SHANK2: variants seen among roughly 807,000 people sequenced by gnomAD.
SHANK2 encodes the protein SH3 and multiple ankyrin repeat domains protein 2.
Under a neutral mutation model 133.7 loss-of-function variants are expected in SHANK2, and 43 were observed. The ratio of observed to expected loss-of-function variants is 0.32; its 90% CI spans 0.25 to 0.41. The LOEUF is 0.41. Among genes scored for constraint, SHANK2 ranks in the 10% least tolerant of loss-of-function variants. The pLI, the probability that SHANK2 is intolerant of heterozygous loss-of-function variation, is 1.00. For synonymous variants in SHANK2, 1,017 were observed against 952.8 expected (o/e 1.07, Z -1.24); for missense variants, 1,994 against 2,235.8 (o/e 0.89, Z 2.18).
chr11:71,157,742 C>G (rs1477165677), intron 2 of SHANK2, among the ~76,000 whole-genome samples: 32 of 152,274 alleles, frequency 2.1e-4, no homozygotes, highest in African/African-American at 7.7e-4. Context: ...TAGCATGAAC[C>G]CACTCTTAGC....
At chr11:70,853,509 A>AG (rs1315075750) in intron 11 of SHANK2, among the ~76,000 whole-genome samples, 2 of 152,126 alleles carry the variant, frequency 1.3e-5, no homozygotes, top group African/African-American at 4.8e-5. Flanking sequence ...CTTTATGGCC[A>AG]GGGGGGATGC....
Position 71,188,512 on chromosome 11 carries a change from GT to G in SHANK2, c.-13+36184del, listed in dbSNP as rs1953721477. Among the ~76,000 whole-genome samples the G allele has an allele frequency of 6.6e-6, 1 of 152,160 alleles. No individual in the cohort carries two copies. Among genetic ancestry groups the G allele is most frequent in the Admixed American group, 6.5e-5 (1 of 15,282 alleles). ...AACACTGCAAATATTTACAGTGGACGTACGAAAAGGCACAGGAATACTGAGT... is the reference window on the plus strand; with the variant it reads ...AACACTGCAAATATTTACAGTGGACGACGAAAAGGCACAGGAATACTGAGT... On this transcript the variant is annotated intron_variant, in intron 2 of 25. Transcript: ENST00000601538. The surrounding 1 kb of genome is among the most constrained non-coding windows in gnomAD (Gnocchi z 4.6).
chr11:70,937,790 C>T (rs1461791942), intron 10 of SHANK2, among the ~76,000 whole-genome samples: 2 of 151,848 alleles, frequency 1.3e-5, no homozygotes, highest in African/African-American at 4.8e-5. Context: ...ACTCAGGAAC[C>T]GCTTATTGTT....
At position 70,556,793 on chromosome 11, in the gene SHANK2, T is replaced by C. The variant is rs543669409; in HGVS notation, c.2062-53862A>G. Among the ~76,000 whole-genome samples, 6 of 152,258 alleles carry C rather than the reference T, an allele frequency of 3.9e-5. No homozygotes were observed. In the East Asian group the frequency reaches 1.2e-3, roughly 29 times the overall value. ...TTTTAGTAGAGATGGGGTTTCTCCA[T>C]GTTGACCAGGCTGGTCTCTAACTCC... On this transcript the variant is annotated intron_variant, in intron 17 of 25. Transcript: ENST00000601538.
intron 14 of SHANK2, among the ~76,000 whole-genome samples, chr11:70,728,294 T>A (rs1185760546): frequency 6.6e-6 from 1 of 152,102 alleles, no homozygotes; most frequent in East Asian, 1.9e-4. Flanking sequence ...CCAAAGAGGA[T>A]CCCTCTGGGA....
chr11:70,841,479 G>A (rs1948904067), intron 11 of SHANK2, among the ~76,000 whole-genome samples: 1 of 152,216 alleles, frequency 6.6e-6, no homozygotes, highest in African/African-American at 2.4e-5. Context: ...ACACAGCCAG[G>A]CCAAGATGTG....
intron 3 of SHANK2, among the ~76,000 whole-genome samples, chr11:71,122,742 A>G (rs1165902559): frequency 1.3e-5 from 2 of 152,160 alleles, no homozygotes; most frequent in Non-Finnish European, 2.9e-5. Context: ...CCCATCTGCA[A>G]ACCCAGCAAT....
At chr11:70,636,471 G>A (rs1260049925) in intron 17 of SHANK2, among the ~76,000 whole-genome samples, 1 of 152,024 alleles carries the variant, frequency 6.6e-6, no homozygotes, top group Admixed American at 6.6e-5. Context: ...GAGCATCTGT[G>A]TATGTGTAAG....
At chr11:70,652,012 A>T (rs1375584801) in intron 17 of SHANK2, among the ~76,000 whole-genome samples, 1 of 152,236 alleles carries the variant, frequency 6.6e-6, no homozygotes, top group Admixed American at 6.5e-5. Context: ...GATGTGGCTG[A>T]ACCACTAAAC....
At chr11:70,673,513 TG>T (rs1182178941) in intron 15 of SHANK2, among the ~76,000 whole-genome samples, 2 of 152,024 alleles carry the variant, frequency 1.3e-5, no homozygotes, top group Admixed American at 6.6e-5. Flanking sequence ...GTCCCTCTGG[TG>T]GGGGTGGGGA....
chr11:70,551,805 T>C (rs533618272), intron 17 of SHANK2, among the ~76,000 whole-genome samples: 1 of 151,956 alleles, frequency 6.6e-6, no homozygotes, highest in South Asian at 2.1e-4. Flanking sequence ...TGGCCTGGAG[T>C]GATGTGAAAC....
chr11:70,915,282 G>A (rs1211705129), intron 10 of SHANK2, among the ~76,000 whole-genome samples: 1 of 152,050 alleles, frequency 6.6e-6, no homozygotes, highest in Non-Finnish European at 1.5e-5. Flanking sequence ...TCCCAAATCC[G>A]CCAGCACATG....
chr11:70,811,755 A>G (rs2088265435), intron 12 of SHANK2, among the ~76,000 whole-genome samples: 1 of 148,324 alleles, frequency 6.7e-6, no homozygotes, highest in African/African-American at 2.5e-5. Flanking sequence ...TCCATCATCT[A>G]TCCATCCACC....
intron 11 of SHANK2, among the ~76,000 whole-genome samples, chr11:70,892,958 T>C (rs1170714349): frequency 1.3e-5 from 2 of 152,138 alleles, no homozygotes. Flanking sequence ...CTTCCCTGAC[T>C]TCCTTCCCTA....
intron 11 of SHANK2, among the ~76,000 whole-genome samples, chr11:70,877,016 G>A (rs1555071472): frequency 6.6e-6 from 1 of 152,174 alleles, no homozygotes; most frequent in Admixed American, 6.5e-5. Flanking sequence ...CACACACATG[G>A]CCCTGGTGAG....
At chr11:70,509,731 TTACA>T (rs1383978199) in intron 17 of SHANK2, among the ~76,000 whole-genome samples, 3 of 152,108 alleles carry the variant, frequency 2.0e-5, no homozygotes, top group African/African-American at 7.2e-5. Flanking sequence ...TGGGAAGTGA[TTACA>T]TCATGAGGCG....
chr11:70,704,092 G>T (rs1336308961), intron 14 of SHANK2, among the ~76,000 whole-genome samples: 1 of 152,256 alleles, frequency 6.6e-6, no homozygotes, highest in Non-Finnish European at 1.5e-5. Flanking sequence ...TCCTGAGGGG[G>T]ATACCCATGT....
intron 9 of SHANK2, among the ~76,000 whole-genome samples, chr11:71,067,903 TATC>T (rs1273835440): frequency 4.9e-5 from 7 of 141,938 alleles, no homozygotes; most frequent in Non-Finnish European, 7.7e-5. Flanking sequence ...CCACTACCAC[TATC>T]ATCATCAATA....
intron 2 of SHANK2, among the ~76,000 whole-genome samples, chr11:71,171,265 C>T (rs1206390381): frequency 2.0e-5 from 3 of 152,172 alleles, no homozygotes; most frequent in Admixed American, 6.5e-5. Context: ...AGACCTGCGA[C>T]GGGCTGTCTG....
Sources: allele counts gnomAD v4.1 joint callset (sites outside exome capture counted in the v4.1 genomes callset), GRCh38; gene constraint gnomAD v4.1.1; non-coding constraint Gnocchi (gnomAD v3.1); transcripts MANE v1.5; gene names NCBI Gene and HGNC (gene_info 2026-07-23, HGNC 2026-07-21).